The following FRMD3 variants were observed in gnomAD, a reference collection of about 807,000 sequenced individuals.
FRMD3 encodes the protein FERM domain-containing protein 3.
FRMD3 carries 33 observed loss-of-function variants against 70.2 expected under a neutral mutation model. The observed-to-expected ratio is 0.47, with a 90% CI of 0.36 to 0.63. The LOEUF is 0.63. FRMD3 is among the 20% of genes least tolerant of loss of function. The probability of loss-of-function intolerance (pLI) is 0.00; values close to 1 mark genes in which losing one functional copy is unlikely to be tolerated. For synonymous variants in FRMD3, 279 were observed against 255.9 expected, an observed-to-expected ratio of 1.09 and a Z score of -0.86; for missense variants, 632 against 711.4, an observed-to-expected ratio of 0.89 and a Z score of 1.27.
At chr9:83,473,445 T>A (rs1182819939) in intron 1 of FRMD3, among the ~76,000 whole-genome samples, 1 of 152,216 alleles carries the variant, frequency 6.6e-6, no homozygotes, top group Non-Finnish European at 1.5e-5. Context: ...TGTTGCTATT[T>A]AATTGTTTCT....
Position 83,537,978 on chromosome 9 carries a change from C to A in FRMD3, c.147+107G>T. On this transcript the variant is annotated intron_variant, in intron 1 of 13. Transcript: ENST00000304195. The surrounding 1 kb of genome is among the most constrained non-coding windows in gnomAD (Gnocchi z 4.1). Reference sequence around the variant, plus strand: ...TCGAAATCTGGCTTTCTAGCAGTCCCCCAATCCCCTCCGGGAGTGGGTTCC... The same window carrying A: ...TCGAAATCTGGCTTTCTAGCAGTCCACCAATCCCCTCCGGGAGTGGGTTCC... 1 of 1,311,606 alleles carries A rather than the reference C, an allele frequency of 7.6e-7. No individual in the cohort carries two copies. The allele number at this position is 1,311,606 out of a possible 1,614,324, so 81.2% of individuals were successfully genotyped here.
intron 1 of FRMD3, among the ~76,000 whole-genome samples, chr9:83,522,051 G>A (rs1829582566): frequency 6.6e-6 from 1 of 152,150 alleles, no homozygotes; most frequent in Non-Finnish European, 1.5e-5. Flanking sequence ...CGTCTAGTAG[G>A]AACCAAGGAA....
At chr9:83,582,768 G>A in the FRMD3 span, among the ~76,000 whole-genome samples, 1 of 152,170 alleles carries the variant, frequency 6.6e-6, no homozygotes. Flanking sequence ...CATTTGGAGA[G>A]GTTCCCAAAC....
the FRMD3 span, among the ~76,000 whole-genome samples, chr9:83,570,492 C>G: frequency 6.6e-6 from 1 of 152,146 alleles, no homozygotes; most frequent in Non-Finnish European, 1.5e-5. Flanking sequence ...GTGTTCTCAG[C>G]AAATAATGCA....
the FRMD3 span, among the ~76,000 whole-genome samples, chr9:83,545,364 T>TG: frequency 4.0e-4 from 58 of 146,674 alleles, no homozygotes; most frequent in South Asian, 2.0e-3. Context: ...TTGTTTTTTT[T>TG]TTTTTTTTTT....
intron 1 of FRMD3, among the ~76,000 whole-genome samples, chr9:83,536,056 T>A (rs2131564023): frequency 6.6e-6 from 1 of 152,342 alleles, no homozygotes; most frequent in African/African-American, 2.4e-5. Context: ...GTTATCCAAA[T>A]AAAATATTTT....
chr9:83,528,371 A>C (rs1429371858), intron 1 of FRMD3, among the ~76,000 whole-genome samples: 1 of 152,102 alleles, frequency 6.6e-6, no homozygotes, highest in Non-Finnish European at 1.5e-5. Context: ...ATTTTCTGTG[A>C]ACATGCAGTG....
At chr9:83,258,350 T>A (rs950186978) in intron 13 of FRMD3, among the ~76,000 whole-genome samples, 1 of 152,232 alleles carries the variant, frequency 6.6e-6, no homozygotes, top group East Asian at 1.9e-4. Context: ...AGCCTCTCTG[T>A]TAACTCTGAG....
intron 2 of FRMD3, among the ~76,000 whole-genome samples, chr9:83,387,074 T>C (rs570228665): frequency 6.6e-6 from 1 of 152,214 alleles, no homozygotes; most frequent in East Asian, 1.9e-4. Context: ...ATTTTTCCCT[T>C]TGTAATAAAA....
At chr9:83,373,143 A>T (rs977895108) in intron 2 of FRMD3, among the ~76,000 whole-genome samples, 188 bp from the exon 3 acceptor site, 5 of 152,218 alleles carry the variant, frequency 3.3e-5, no homozygotes, top group Non-Finnish European at 4.4e-5. Flanking sequence ...GATATAAATT[A>T]CAGAGTTAAC....
intron 5 of FRMD3, among the ~76,000 whole-genome samples, chr9:83,340,248 T>C (rs1293916046): frequency 1.3e-5 from 2 of 152,176 alleles, no homozygotes; most frequent in Non-Finnish European, 2.9e-5. Context: ...AGTGCCCTGA[T>C]TCATTTAACA....
At chr9:83,349,264 C>T (rs144622392) in intron 4 of FRMD3, among the ~76,000 whole-genome samples, 198 of 152,108 alleles carry the variant, frequency 1.3e-3, no homozygotes, top group African/African-American at 4.5e-3. Context: ...ATTCAGCAAG[C>T]GGAAGGCAGG....
At chr9:83,512,413 T>C (rs1391856570) in intron 1 of FRMD3, among the ~76,000 whole-genome samples, 1 of 152,104 alleles carries the variant, frequency 6.6e-6, no homozygotes, top group Non-Finnish European at 1.5e-5. Context: ...AAGTGACAGA[T>C]GGTAATGTGA....
In FRMD3 at chr9:83,291,357, C is replaced by T. The variant is rs144899777; in HGVS notation, c.1071-630G>A. Among the ~76,000 whole-genome samples, 63 of 152,276 alleles carry T rather than the reference C, an allele frequency of 4.1e-4. 2 individuals carry two copies. The East Asian group carries it at 0.012, about 28-fold the overall frequency. The stretch of plus-strand genomic sequence containing the variant: ...GAAACTGTGCAGGTATCTCATTAAG[C>T]CTATTGGTTGGGAGCTGGGGAGCCC... On this transcript the variant is annotated intron_variant, in intron 12 of 13. Transcript: ENST00000304195.
intron 1 of FRMD3, among the ~76,000 whole-genome samples, chr9:83,486,873 T>C (rs1828701190): frequency 6.6e-6 from 1 of 152,158 alleles, no homozygotes; most frequent in South Asian, 2.1e-4. Context: ...TTGATAGCAA[T>C]GACTGAATAT....
At chr9:83,290,269 T>G (rs1057345219) in intron 13 of FRMD3, among the ~76,000 whole-genome samples, 6 of 152,212 alleles carry the variant, frequency 3.9e-5, no homozygotes, top group Non-Finnish European at 7.3e-5. Flanking sequence ...GGAAATGGAT[T>G]TTTAATTACA....
At chr9:83,541,998 G>A (rs767036233), upstream of FRMD3, among the ~76,000 whole-genome samples, 5 of 151,778 alleles carry the variant, frequency 3.3e-5, no homozygotes, top group African/African-American at 9.7e-5. Context: ...GGCTGGTCTC[G>A]AACTTCTGGC....
At chr9:83,258,323 A>C (rs1279884966) in intron 13 of FRMD3, among the ~76,000 whole-genome samples, 3 of 152,260 alleles carry the variant, frequency 2.0e-5, no homozygotes. Flanking sequence ...CAGCACTCAC[A>C]TTCACATTCA....
chr9:83,580,840 A>G, the FRMD3 span, among the ~76,000 whole-genome samples: 1 of 152,178 alleles, frequency 6.6e-6, no homozygotes, highest in Non-Finnish European at 1.5e-5. Flanking sequence ...CATTATATAC[A>G]TATATCAAAA....
Sources: allele counts gnomAD v4.1 joint callset (sites outside exome capture counted in the v4.1 genomes callset), GRCh38; gene constraint gnomAD v4.1.1; non-coding constraint Gnocchi (gnomAD v3.1); transcripts MANE v1.5; gene names NCBI Gene and HGNC (gene_info 2026-07-23, HGNC 2026-07-21).